MCOLN3: variants seen among roughly 807,000 people sequenced by gnomAD.
MCOLN3 encodes mucolipin TRP cation channel 3.
Under a neutral mutation model 69.4 loss-of-function variants are expected in MCOLN3, and 62 were observed. The ratio of observed to expected loss-of-function variants is 0.89; its 90% CI spans 0.73 to 1.10. The LOEUF (loss-of-function observed/expected upper bound fraction) is 1.10. Ranked by LOEUF, MCOLN3 falls within the 50% of genes least tolerant of loss-of-function variation. The pLI is 0.00. For synonymous variants in MCOLN3, 183 were observed against 217.0 expected, an observed-to-expected ratio of 0.84 and a Z score of 1.38; for missense variants, 564 against 656.4, an observed-to-expected ratio of 0.86 and a Z score of 1.54.
intron 9 of MCOLN3, chr1:85,023,451 GTGA>G (rs1652053894): frequency 6.6e-6 from 1 of 152,238 alleles, no homozygotes; most frequent in African/African-American, 2.4e-5. Flanking sequence ...AGAGGAGTCT[GTGA>G]TGAATCCAAG....
In MCOLN3 at chr1:85,018,758, C is replaced by T. The variant is rs1365093400; in HGVS notation, c.*365G>A. ...AGGGTTACTGAGTTGTCCAAAGTCACAGTCAGACCAAGGATTGTTTTCCAC... is the reference window on the plus strand; with the variant it reads ...AGGGTTACTGAGTTGTCCAAAGTCATAGTCAGACCAAGGATTGTTTTCCAC... On this transcript the variant is annotated 3_prime_UTR_variant, in exon 13 of 13. Transcript: ENST00000370589. 1 of 178,148 alleles carries T rather than the reference C, an allele frequency of 5.6e-6. No homozygotes were observed. Among genetic ancestry groups the T allele is most frequent in the Non-Finnish European group, 1.2e-5 (1 of 85,534 alleles). 11.0% of individuals were successfully genotyped at this position (178,148 alleles called of 1,614,324 possible).
chr1:85,033,557 T>C (rs1416274149), intron 4 of MCOLN3, among the ~76,000 whole-genome samples: 1 of 152,190 alleles, frequency 6.6e-6, no homozygotes, highest in Non-Finnish European at 1.5e-5. Flanking sequence ...TAATTGCAAA[T>C]AGAACTTTGC....
chr1:85,023,072 TTC>T (rs1571088601), intron 9 of MCOLN3: 1 of 144,636 alleles, frequency 6.9e-6, no homozygotes, highest in East Asian at 1.9e-4. Context: ...GTGATTTTTA[TTC>T]TTTTTTTTTT....
intron 3 of MCOLN3, among the ~76,000 whole-genome samples, chr1:85,039,605 A>T (rs1652961648): frequency 6.6e-6 from 1 of 152,206 alleles, no homozygotes; most frequent in Admixed American, 6.5e-5. Flanking sequence ...TGGAAATCTG[A>T]AAAAGCAGAA....
At chr1:85,020,735 A>G (rs1388481798) in intron 12 of MCOLN3, among the ~76,000 whole-genome samples, 1 of 152,214 alleles carries the variant, frequency 6.6e-6, no homozygotes, top group Non-Finnish European at 1.5e-5. Context: ...GCTTTCTGAA[A>G]TGCCATATGT....
At position 85,029,828 on chromosome 1, in the gene MCOLN3, A is replaced by T. The variant is rs539169494; in HGVS notation, c.733-623T>A. 2.0e-5 allele frequency: 3 copies of T among 152,318 alleles called. No individual in the cohort carries two copies. The South Asian group carries it at 6.2e-4, about 32-fold the overall frequency. 9.4% of individuals were successfully genotyped at this position (152,318 alleles called of 1,614,324 possible). A position where few individuals can be genotyped will look rare whatever the true frequency, so the allele number is the denominator to read the frequency against. ...AAAGCTAGGCCAGAACACCTTCCATAGTTTTCCTACTGTCTTCCTTATGCA... is the reference window on the plus strand; with the variant it reads ...AAAGCTAGGCCAGAACACCTTCCATTGTTTTCCTACTGTCTTCCTTATGCA... On this transcript the variant is annotated intron_variant, in intron 6 of 12. Coordinates refer to ENST00000370589, the MANE Select transcript of MCOLN3 (RefSeq NM_018298.11).
chr1:85,041,607 C>T (rs574209978), intron 2 of MCOLN3, among the ~76,000 whole-genome samples: 16 of 152,180 alleles, frequency 1.1e-4, no homozygotes, highest in Admixed American at 2.0e-4. Context: ...TGGTGGTTCA[C>T]GCCTGTAATC....
At position 85,021,080 on chromosome 1, in the gene MCOLN3, T is replaced by A. The variant is rs1018093242; in HGVS notation, c.1517A>T (p.Glu506Val). 1.2e-6 allele frequency: 2 copies of A among 1,607,040 alleles called. No homozygotes were observed. The highest frequency in any genetic ancestry group is 1.7e-6 in the Non-Finnish European group (2 of 1,176,620). The change falls in exon 12 of 13, where the codon GAA becomes GTA. Residue 506 changes from glutamate to valine, a missense_variant. By Grantham distance (121) the Glu-to-Val change is moderately radical (BLOSUM62 -2). Coordinates refer to ENST00000370589, the MANE Select transcript of MCOLN3 (RefSeq NM_018298.11). ...TCTTGATAAACCTACCTTAATTGTT[T>A]CGTATGTATCAGTGATCAGTGCAAT... ...LFIALITDTYETIKQYQQDGF... is the reference protein window; with the variant it reads ...LFIALITDTYVTIKQYQQDGF...
intron 2 of MCOLN3, among the ~76,000 whole-genome samples, chr1:85,043,694 C>T (rs1344108534): frequency 2.0e-5 from 3 of 152,102 alleles, no homozygotes; most frequent in Non-Finnish European, 4.4e-5. Flanking sequence ...ACTATTGAGA[C>T]ACACCATATT....
chr1:85,028,504 A>T (rs1022121500), intron 7 of MCOLN3, among the ~76,000 whole-genome samples: 9 of 152,220 alleles, frequency 5.9e-5, no homozygotes, highest in Non-Finnish European at 1.2e-4. Flanking sequence ...GAGACTAGAA[A>T]ATTAGATAAA....
At chr1:85,029,308 C>A in intron 6 of MCOLN3, 103 bp from the exon 7 acceptor site, 1 of 680,036 alleles carries the variant, frequency 1.5e-6, no homozygotes, top group South Asian at 1.8e-5. Context: ...ACAGGAGACC[C>A]AGATTCTCAA....
rs139077973 is a variant in MCOLN3 at position 85,021,273 on chromosome 1, G to A, written c.1324C>T (p.Arg442Cys). The change falls in exon 12 of 13, where the codon CGT becomes TGT. Residue 442 changes from arginine (R) to cysteine (C), a missense_variant. Physicochemically the swap from Arg to Cys is radical, Grantham distance 180. Coordinates refer to ENST00000370589, the MANE Select transcript of MCOLN3 (RefSeq NM_018298.11). ...CACTCAGAGACCATGTTCAGAGAAC[G>A]AAACTGGAAAAAGAAAAGAGAAAAG... ...IVLGPYHDKFRSLNMVSECLF... is the reference protein window; with the variant it reads ...IVLGPYHDKFCSLNMVSECLF... The A allele has an allele frequency of 2.1e-5, 33 of 1,604,662 alleles. No individual in the cohort carries two copies. The highest frequency in any genetic ancestry group is 1.6e-4 in the South Asian group (14 of 88,528).
chr1:85,019,336 T>C (rs779248603), intron 12 of MCOLN3, 79 bp from the exon 13 acceptor site: 1 of 1,429,606 alleles, frequency 7.0e-7, no homozygotes, highest in African/African-American at 1.4e-5. Context: ...AATGGATCAT[T>C]TGGCAAGGGA....
intron 4 of MCOLN3, among the ~76,000 whole-genome samples, chr1:85,033,869 C>A (rs930054326): frequency 6.6e-5 from 10 of 152,268 alleles, no homozygotes; most frequent in African/African-American, 2.4e-4. Context: ...ATAATTTAGT[C>A]TTCTATAAAA....
At chr1:85,023,479 T>A (rs1652057578) in intron 9 of MCOLN3, 1 of 152,220 alleles carries the variant, frequency 6.6e-6, no homozygotes, top group South Asian at 2.1e-4. Context: ...TTGGCTTGAG[T>A]AACTGATGAG....
chr1:85,021,322 C>A, intron 11 of MCOLN3, 46 bp from the exon 12 acceptor site: 1 of 1,467,070 alleles, frequency 6.8e-7, no homozygotes, highest in South Asian at 1.2e-5. Flanking sequence ...ATGTTCCTTC[C>A]CATTGGAGAC....
At chr1:85,027,224 C>A (rs562617757) in intron 7 of MCOLN3, among the ~76,000 whole-genome samples, 3 of 152,266 alleles carry the variant, frequency 2.0e-5, no homozygotes, top group Non-Finnish European at 4.4e-5. Flanking sequence ...TAAACAAACA[C>A]ATAACAAAAT....
At chr1:85,029,577 CAGTT>C (rs1652401822) in intron 6 of MCOLN3, 1 of 161,360 alleles carries the variant, frequency 6.2e-6, no homozygotes. Context: ...GGCAGGACCT[CAGTT>C]AGGGGTAGAT....
At chr1:85,034,293 G>A in intron 3 of MCOLN3, 42 bp from the exon 4 acceptor site, 1 of 1,609,686 alleles carries the variant, frequency 6.2e-7, no homozygotes. Flanking sequence ...ATGCCAGCCA[G>A]GGCAGGAGTG....
Sources: gnomAD v4.1 joint callset for allele counts (sites outside exome capture counted in the v4.1 genomes callset) on GRCh38, gnomAD v4.1.1 for gene constraint, MANE v1.5 for transcripts, NCBI Gene and HGNC (gene_info 2026-07-23, HGNC 2026-07-21) for gene names.